The following ILRUN variants were observed in gnomAD, a reference collection of about 807,000 sequenced individuals.
The protein encoded by ILRUN is inflammation and lipid regulator with UBA-like and NBR1-like domains.
In ILRUN, 3 loss-of-function variants were observed where a neutral mutation model predicts 33.8. The ratio of observed to expected loss-of-function variants is 0.09; its 90% CI spans 0.04 to 0.23. The LOEUF (loss-of-function observed/expected upper bound fraction) is 0.23, where lower values mean the gene tolerates loss of function less well. Among genes scored for constraint, ILRUN ranks in the 10% least tolerant of loss-of-function variants. ILRUN has a pLI of 1.00. For synonymous variants in ILRUN, 124 were observed against 138.9 expected (o/e 0.89, Z 0.75); for missense variants, 210 against 375.1 (o/e 0.56, Z 3.64).
At chr6:34,662,832 T>TTTGGG (rs1762916905) in intron 1 of ILRUN, among the ~76,000 whole-genome samples, 1 of 152,220 alleles carries the variant, frequency 6.6e-6, no homozygotes, top group African/African-American at 2.4e-5. Flanking sequence ...ATCCCAGCAC[T>TTTGGG]TTGGGAGGCC....
At chr6:34,629,200 AG>A (rs1762198368) in intron 3 of ILRUN, among the ~76,000 whole-genome samples, 1 of 152,200 alleles carries the variant, frequency 6.6e-6, no homozygotes, top group African/African-American at 2.4e-5. Context: ...CTGTTGCAGA[AG>A]TTTATTAATT....
intron 1 of ILRUN, among the ~76,000 whole-genome samples, chr6:34,674,836 G>A (rs1562028309): frequency 6.6e-6 from 1 of 151,980 alleles, no homozygotes. Context: ...CAGGCAGGAG[G>A]ATCAGTTGAG....
intron 3 of ILRUN, among the ~76,000 whole-genome samples, chr6:34,634,300 A>T (rs542878914): frequency 8.0e-4 from 120 of 150,160 alleles, no homozygotes; most frequent in South Asian, 3.3e-3. Flanking sequence ...CTAAAAATTT[A>T]AAAAAAAATA....
At chr6:34,621,582 G>C (rs180711618) in intron 3 of ILRUN, among the ~76,000 whole-genome samples, 2 of 152,128 alleles carry the variant, frequency 1.3e-5, no homozygotes, top group Non-Finnish European at 2.9e-5. Flanking sequence ...AAAGTGGCCC[G>C]GCATGGTGGC....
intron 1 of ILRUN, among the ~76,000 whole-genome samples, chr6:34,660,029 GT>G (rs1347388143): frequency 6.6e-6 from 1 of 151,974 alleles, no homozygotes; most frequent in Non-Finnish European, 1.5e-5. Context: ...GCCAGGTGTG[GT>G]GGCTCATGCC....
chr6:34,636,258 A>AT (rs1554185555), intron 3 of ILRUN, among the ~76,000 whole-genome samples: 2 of 152,136 alleles, frequency 1.3e-5, no homozygotes, highest in Non-Finnish European at 2.9e-5. Context: ...AAATAAATAA[A>AT]TAAATTAAAT....
At chr6:34,666,590 C>G (rs1763013230) in intron 1 of ILRUN, among the ~76,000 whole-genome samples, 2 of 152,036 alleles carry the variant, frequency 1.3e-5, no homozygotes, top group African/African-American at 4.8e-5. Flanking sequence ...TATATACTTA[C>G]AAATAGGGGG....
chr6:34,612,642 C>G (rs1761780994), intron 3 of ILRUN, among the ~76,000 whole-genome samples: 1 of 152,168 alleles, frequency 6.6e-6, no homozygotes, highest in Non-Finnish European at 1.5e-5. Flanking sequence ...TACAGCAGCT[C>G]ATGCCTGTAA....
chr6:34,664,446 C>T (rs1346284215), intron 1 of ILRUN, among the ~76,000 whole-genome samples: 1 of 152,148 alleles, frequency 6.6e-6, no homozygotes, highest in Non-Finnish European at 1.5e-5. Context: ...GCTAGGATTA[C>T]AGGAGCATGC....
intron 3 of ILRUN, among the ~76,000 whole-genome samples, chr6:34,645,055 A>G (rs1762539840): frequency 6.6e-6 from 1 of 152,186 alleles, no homozygotes; most frequent in African/African-American, 2.4e-5. Context: ...TCACATAAGC[A>G]CTATGAGACT....
At chr6:34,662,809 G>A (rs1762916553) in intron 1 of ILRUN, among the ~76,000 whole-genome samples, 1 of 152,232 alleles carries the variant, frequency 6.6e-6, no homozygotes, top group South Asian at 2.1e-4. Context: ...AGGCATGGTG[G>A]CTCACACCTG....
chr6:34,653,148 A>AAG (rs1554186880), intron 2 of ILRUN, among the ~76,000 whole-genome samples: 6 of 145,186 alleles, frequency 4.1e-5, no homozygotes, highest in Middle Eastern at 7.0e-3. Flanking sequence ...AAAAAAAAAA[A>AAG]AAAGAAAAAG....
intron 3 of ILRUN, among the ~76,000 whole-genome samples, chr6:34,636,305 T>G (rs1436315478): frequency 1.3e-5 from 2 of 152,022 alleles, no homozygotes; most frequent in African/African-American, 4.8e-5. Context: ...CTCACAACAT[T>G]CTTTCTCGGG....
intron 3 of ILRUN, among the ~76,000 whole-genome samples, chr6:34,611,384 AT>A (rs1490771376): frequency 6.6e-6 from 1 of 152,138 alleles, no homozygotes; most frequent in African/African-American, 2.4e-5. Context: ...GAAGCCACTG[AT>A]TTATAAACAC....
intron 2 of ILRUN, among the ~76,000 whole-genome samples, chr6:34,651,742 A>G (rs1762673407): frequency 6.7e-6 from 1 of 149,078 alleles, no homozygotes; most frequent in Non-Finnish European, 1.5e-5. Flanking sequence ...ATTAAAAAAA[A>G]AAAAAATTAT....
At chr6:34,641,748 G>C (rs1314045047) in intron 3 of ILRUN, among the ~76,000 whole-genome samples, 1 of 151,958 alleles carries the variant, frequency 6.6e-6, no homozygotes, top group African/African-American at 2.4e-5. Context: ...GACCAAAAAA[G>C]GGTTGTTAAG....
At chr6:34,619,591 G>A (rs929511777) in intron 3 of ILRUN, among the ~76,000 whole-genome samples, 16 of 152,158 alleles carry the variant, frequency 1.1e-4, no homozygotes, top group Admixed American at 6.5e-4. Context: ...CTGGGCTGAA[G>A]TGATCCTCCT....
At chr6:34,625,861 T>G (rs1055363276) in intron 3 of ILRUN, among the ~76,000 whole-genome samples, 2 of 148,844 alleles carry the variant, frequency 1.3e-5, no homozygotes, top group African/African-American at 5.0e-5. Flanking sequence ...TTTTTTTTTT[T>G]TTTTTGAGAT....
At chr6:34,614,428 T>TAAAAA (rs1457803034) in intron 3 of ILRUN, among the ~76,000 whole-genome samples, 9 of 109,024 alleles carry the variant, frequency 8.3e-5, no homozygotes, top group African/African-American at 3.9e-4. Flanking sequence ...TCTCAAAAAA[T>TAAAAA]AATAAAAAAA....
Sources: gnomAD v4.1 joint callset for allele counts (sites outside exome capture counted in the v4.1 genomes callset) on GRCh38, gnomAD v4.1.1 for gene constraint, MANE v1.5 for transcripts, NCBI Gene and HGNC (gene_info 2026-07-23, HGNC 2026-07-21) for gene names.